The following TENM2 variants were observed in gnomAD, a reference collection of about 807,000 sequenced individuals.
TENM2 encodes teneurin-2.
TENM2 carries 52 observed loss-of-function variants against 245.2 expected under a neutral mutation model. That is an observed-to-expected ratio of 0.21 (90% CI 0.17 to 0.27). The LOEUF (loss-of-function observed/expected upper bound fraction) is 0.27, where lower values mean the gene tolerates loss of function less well. Among genes scored for constraint, TENM2 ranks in the 10% least tolerant of loss-of-function variants. TENM2 has a pLI of 1.00. For synonymous variants in TENM2, 1,363 were observed against 1,438.9 expected, an observed-to-expected ratio of 0.95 and a Z score of 1.19; for missense variants, 3,046 against 3,666.8, an observed-to-expected ratio of 0.83 and a Z score of 4.37.
intron 1 of TENM2, among the ~76,000 whole-genome samples, chr5:167,291,803 T>G (rs1754655061): frequency 6.6e-6 from 1 of 152,200 alleles, no homozygotes; most frequent in African/African-American, 2.4e-5. Flanking sequence ...TAACAAATGC[T>G]CCTAATGCTA....
At chr5:167,380,405 T>C (rs776712807) in intron 2 of TENM2, among the ~76,000 whole-genome samples, 2 of 152,168 alleles carry the variant, frequency 1.3e-5, no homozygotes, top group Non-Finnish European at 2.9e-5. Flanking sequence ...TTTACGTTTT[T>C]GGCAAATTAA....
chr5:167,695,033 A>G (rs983723492), intron 2 of TENM2, among the ~76,000 whole-genome samples: 2 of 152,174 alleles, frequency 1.3e-5, no homozygotes, highest in African/African-American at 4.8e-5. Context: ...TCATTTCCCA[A>G]TGGGGTAAAT....
the TENM2 span, among the ~76,000 whole-genome samples, chr5:167,014,766 C>T: frequency 6.6e-6 from 1 of 152,180 alleles, no homozygotes; most frequent in Non-Finnish European, 1.5e-5. Flanking sequence ...AGATTCAACG[C>T]TGCTTAGAGT....
intron 1 of TENM2, among the ~76,000 whole-genome samples, chr5:167,293,901 T>C (rs755396744): frequency 1.5e-4 from 23 of 152,108 alleles, no homozygotes; most frequent in Non-Finnish European, 2.6e-4. Flanking sequence ...GCCCCTTCTC[T>C]GTGTGGACCA....
At chr5:168,189,527 C>T (rs1017804552) in intron 13 of TENM2, among the ~76,000 whole-genome samples, 3 of 152,126 alleles carry the variant, frequency 2.0e-5, no homozygotes, top group East Asian at 1.9e-4. Flanking sequence ...AATAATGTTC[C>T]GAGTCCTGAG....
intron 3 of TENM2, among the ~76,000 whole-genome samples, chr5:167,952,135 A>G (rs2151839326): frequency 6.6e-6 from 1 of 152,302 alleles, no homozygotes; most frequent in East Asian, 1.9e-4. Flanking sequence ...ATAGGTATTT[A>G]AAGGTACTAT....
At chr5:167,119,791 G>A in the TENM2 span, among the ~76,000 whole-genome samples, 14 of 152,328 alleles carry the variant, frequency 9.2e-5, no homozygotes, top group East Asian at 5.8e-4. Context: ...TGTGCTGGTC[G>A]TGGAGGAGGC....
intron 2 of TENM2, among the ~76,000 whole-genome samples, chr5:167,384,426 AGAT>A (rs1230900084): frequency 5.3e-5 from 8 of 152,148 alleles, no homozygotes; most frequent in South Asian, 4.1e-4. Context: ...GGTGAGGTGA[AGAT>A]GATGATGATT....
At chr5:167,160,471 A>AT in the TENM2 span, among the ~76,000 whole-genome samples, 2 of 152,232 alleles carry the variant, frequency 1.3e-5, no homozygotes, top group African/African-American at 4.8e-5. Context: ...TCTAAGATTC[A>AT]TATTTTCTCC....
At chr5:168,181,417 C>G (rs978340806) in intron 13 of TENM2, among the ~76,000 whole-genome samples, 2 of 152,150 alleles carry the variant, frequency 1.3e-5, no homozygotes, top group Admixed American at 1.3e-4. Context: ...GCAGCCCGTG[C>G]TTTTTTTCCC....
chr5:167,928,659 C>T (rs534683220), intron 3 of TENM2, among the ~76,000 whole-genome samples: 35 of 151,834 alleles, frequency 2.3e-4, no homozygotes, highest in African/African-American at 6.0e-4. Flanking sequence ...TTTGGGAGGC[C>T]GAGGCAGGTG....
intron 1 of TENM2, among the ~76,000 whole-genome samples, chr5:167,305,366 T>C (rs937913594): frequency 2.0e-5 from 3 of 152,218 alleles, no homozygotes; most frequent in Admixed American, 6.5e-5. Flanking sequence ...GTTTCTCTTC[T>C]AGATCCTATA....
At chr5:168,222,739 T>G (rs1472545721) in intron 23 of TENM2, among the ~76,000 whole-genome samples, 1 of 152,140 alleles carries the variant, frequency 6.6e-6, no homozygotes, top group Non-Finnish European at 1.5e-5. Flanking sequence ...CCTTCTCCAC[T>G]CCCTCCCTTC....
At chr5:167,043,766 C>T in the TENM2 span, among the ~76,000 whole-genome samples, 2 of 152,186 alleles carry the variant, frequency 1.3e-5, no homozygotes, top group Admixed American at 1.3e-4. Context: ...AATCCCAGCA[C>T]TTTGGGAGGC....
At chr5:167,743,562 A>G (rs776298064) in intron 2 of TENM2, among the ~76,000 whole-genome samples, 8 of 152,174 alleles carry the variant, frequency 5.3e-5, no homozygotes, top group Non-Finnish European at 8.8e-5. Context: ...AAACCTTCCC[A>G]TTAAGAGAAC....
chr5:168,059,007 C>G (rs959134731), intron 6 of TENM2, among the ~76,000 whole-genome samples: 1 of 152,178 alleles, frequency 6.6e-6, no homozygotes, highest in Non-Finnish European at 1.5e-5. Context: ...GATTCAAACA[C>G]AGTTCTATCT....
At chr5:168,118,654 G>C (rs1795261557) in intron 10 of TENM2, among the ~76,000 whole-genome samples, 168 bp downstream of exon 12, 1 of 152,168 alleles carries the variant, frequency 6.6e-6, no homozygotes, top group Non-Finnish European at 1.5e-5. Context: ...TTTGGTTGTA[G>C]AACAAGAAAA....
chr5:167,236,370 T>C, the TENM2 span, among the ~76,000 whole-genome samples: 1 of 152,076 alleles, frequency 6.6e-6, no homozygotes, highest in Non-Finnish European at 1.5e-5. Context: ...TCATTTCTAG[T>C]ATAAAAAACA....
At chr5:167,646,204 T>TATATATATATATATATGTTGTTTTC (rs1779946349) in intron 2 of TENM2, among the ~76,000 whole-genome samples, 3 of 127,922 alleles carry the variant, frequency 2.3e-5, no homozygotes, top group African/African-American at 7.5e-5. Context: ...TGTTTTCATA[T>TATATATATATATATATGTTGTTTTC]ATATATATAT....
Sources: gnomAD v4.1 joint callset for allele counts (sites outside exome capture counted in the v4.1 genomes callset) on GRCh38, gnomAD v4.1.1 for gene constraint, MANE v1.5 for transcripts, NCBI Gene and HGNC (gene_info 2026-07-23, HGNC 2026-07-21) for gene names.